GAS7: variants seen among roughly 807,000 people sequenced by gnomAD.
GAS7 encodes the protein growth arrest specific 7.
Under a neutral mutation model 71.1 loss-of-function variants are expected in GAS7, and 28 were observed. That is an observed-to-expected ratio of 0.39 (90% CI 0.29 to 0.54). GAS7 has a LOEUF of 0.54. Among genes scored for constraint, GAS7 ranks in the 20% least tolerant of loss-of-function variants. The pLI, the probability that GAS7 is intolerant of heterozygous loss-of-function variation, is 0.62. For missense variants in GAS7, 436 were observed against 627.8 expected, an observed-to-expected ratio of 0.69 and a Z score of 3.27; for synonymous variants, 258 against 245.8, an observed-to-expected ratio of 1.05 and a Z score of -0.46.
intron 1 of GAS7, among the ~76,000 whole-genome samples, chr17:10,054,134 A>T (rs1347436288): frequency 6.6e-6 from 1 of 151,706 alleles, no homozygotes; most frequent in Non-Finnish European, 1.5e-5. Flanking sequence ...ACATAAATTC[A>T]CTTTCAGAAA....
chr17:10,164,903 C>T (rs1421562842), intron 1 of GAS7, among the ~76,000 whole-genome samples: 2 of 149,998 alleles, frequency 1.3e-5, no homozygotes, highest in African/African-American at 4.9e-5. Flanking sequence ...AATCCCAGCA[C>T]TGTGGGAGGC....
intron 1 of GAS7, among the ~76,000 whole-genome samples, chr17:10,148,664 C>T (rs1333996004): frequency 6.6e-6 from 1 of 150,528 alleles, no homozygotes; most frequent in African/African-American, 2.4e-5. Flanking sequence ...GTAATCCCAG[C>T]ACTCTGGGAG....
At chr17:10,150,607 T>TTTTTTTA (rs1555537609) in intron 1 of GAS7, among the ~76,000 whole-genome samples, 3 of 150,220 alleles carry the variant, frequency 2.0e-5, no homozygotes, top group Admixed American at 6.6e-5. Flanking sequence ...TTTTTTTTTT[T>TTTTTTTA]AGACAGGGTC....
At chr17:9,966,077 C>A (rs2069701516) in intron 4 of GAS7, among the ~76,000 whole-genome samples, 1 of 148,670 alleles carries the variant, frequency 6.7e-6, no homozygotes, top group East Asian at 2.0e-4. Context: ...CGGCTCACTG[C>A]AAGCTCCGCC....
chr17:10,115,326 CGGGGG>C (rs1187825841), intron 1 of GAS7, among the ~76,000 whole-genome samples: 1 of 151,988 alleles, frequency 6.6e-6, no homozygotes. Context: ...GGTGCACAGG[CGGGGG>C]GAACGCTGCA....
At chr17:9,943,822 G>A (rs574275276) in intron 6 of GAS7, among the ~76,000 whole-genome samples, 2 of 152,142 alleles carry the variant, frequency 1.3e-5, no homozygotes, top group African/African-American at 4.8e-5. Context: ...ATACTAGCTG[G>A]GTGACCTTGG....
intron 1 of GAS7, among the ~76,000 whole-genome samples, chr17:10,094,944 T>C (rs2073625300): frequency 6.6e-6 from 1 of 152,238 alleles, no homozygotes; most frequent in Admixed American, 6.5e-5. Flanking sequence ...TTTCCATTTC[T>C]GTCATCCGCA....
At chr17:10,085,617 G>A (rs948101149) in intron 1 of GAS7, among the ~76,000 whole-genome samples, 7 of 150,930 alleles carry the variant, frequency 4.6e-5, no homozygotes, top group Admixed American at 2.0e-4. Flanking sequence ...GCATGAACCC[G>A]GGAGGCAGAG....
At chr17:10,089,457 A>G (rs2073557328) in intron 1 of GAS7, among the ~76,000 whole-genome samples, 1 of 152,114 alleles carries the variant, frequency 6.6e-6, no homozygotes, top group African/African-American at 2.4e-5. Context: ...GGCAAGCACA[A>G]CCATTCCTGT....
chr17:10,043,126 T>G (rs1361939202), intron 1 of GAS7, among the ~76,000 whole-genome samples: 1 of 152,110 alleles, frequency 6.6e-6, no homozygotes, highest in East Asian at 1.9e-4. Context: ...GGGCATGCTC[T>G]TGCTTAAGCA....
rs565589812 is a variant in GAS7 at position 10,112,630 on chromosome 17, G to T, written c.183+85578C>A. Reference sequence around the variant, plus strand: ...CATGCCTGTAATCCCAGCTACTCAGGAGGCTGAATTCAGCAGGAGAATTGC... The same window carrying T: ...CATGCCTGTAATCCCAGCTACTCAGTAGGCTGAATTCAGCAGGAGAATTGC... On this transcript the variant is annotated intron_variant, in intron 1 of 13. Coordinates refer to ENST00000432992, the MANE Select transcript of GAS7 (RefSeq NM_201433.2). Among the ~76,000 whole-genome samples, 9 of 152,146 alleles carry T rather than the reference G, an allele frequency of 5.9e-5. 1 individual carries two copies. The highest frequency in any genetic ancestry group is 2.2e-4 in the African/African-American group (9 of 41,516).
intron 2 of GAS7, among the ~76,000 whole-genome samples, chr17:9,990,740 T>G (rs1243446454): frequency 6.6e-6 from 1 of 151,864 alleles, no homozygotes; most frequent in Non-Finnish European, 1.5e-5. Flanking sequence ...AGTTCAGAGG[T>G]AATGGGGGCC....
At position 10,153,546 on chromosome 17, in the gene GAS7, G is replaced by A. The variant is rs145345111; in HGVS notation, c.183+44662C>T. Among the ~76,000 whole-genome samples the A allele has an allele frequency of 5.0e-3, 749 of 150,304 alleles. 3 individuals are homozygous for A. The highest frequency in any genetic ancestry group is 7.8e-3 in the Non-Finnish European group (527 of 67,664). ...AAAAAAAAAAAAAAAAGAAATCAAT[G>A]AGAAACCTGAAGCCTGACTGGCTGG... On this transcript the variant is annotated intron_variant, in intron 1 of 13. Coordinates refer to ENST00000432992, the MANE Select transcript of GAS7 (RefSeq NM_201433.2).
At position 10,034,471 on chromosome 17, in the gene GAS7, G is replaced by C. The variant is rs1427544535; in HGVS notation, c.184-14574C>G. Among the ~76,000 whole-genome samples the C allele has an allele frequency of 5.3e-5, 8 of 151,922 alleles. No homozygotes were observed. The highest frequency in any genetic ancestry group is 1.2e-4 in the Non-Finnish European group (8 of 68,000). The stretch of plus-strand genomic sequence containing the variant: ...TTACAGGCACCTATCACCACGCCTG[G>C]CTAATTTTTGTATTTTTAGTAGACA... On this transcript the variant is annotated intron_variant, in intron 1 of 13. Transcript: ENST00000432992. The surrounding 1 kb of genome is among the most constrained non-coding windows in gnomAD (Gnocchi z 4.4).
chr17:10,022,036 T>C (rs1187180020), intron 1 of GAS7, among the ~76,000 whole-genome samples: 1 of 152,072 alleles, frequency 6.6e-6, no homozygotes. Flanking sequence ...GGTGGAAGAA[T>C]GGCTTGAGCC....
At chr17:10,099,578 G>A (rs191115912) in intron 1 of GAS7, among the ~76,000 whole-genome samples, 3 of 152,044 alleles carry the variant, frequency 2.0e-5, no homozygotes, top group Non-Finnish European at 4.4e-5. Context: ...TTTTTTGGAC[G>A]GCGGGGGAGT....
At chr17:9,987,110 AT>A (rs1050669911) in intron 2 of GAS7, among the ~76,000 whole-genome samples, 4 of 152,184 alleles carry the variant, frequency 2.6e-5, no homozygotes, top group Admixed American at 2.0e-4. Context: ...GCCTCAAGAG[AT>A]GCTGGATTGA....
At chr17:10,120,405 G>A (rs12449525) in intron 1 of GAS7, among the ~76,000 whole-genome samples, 51,384 of 152,072 alleles carry the variant, frequency 0.34, 8,967 homozygotes, top group African/African-American at 0.38. Context: ...ATGGTTCCAC[G>A]AGACCAGGAC....
At chr17:10,036,691 C>G in intron 1 of GAS7, 1 of 1,296,742 alleles carries the variant, frequency 7.7e-7, no homozygotes, top group South Asian at 2.4e-5. Flanking sequence ...CAAATCCGCT[C>G]CAGTGCTTGC....
Sources: allele counts gnomAD v4.1 joint callset (sites outside exome capture counted in the v4.1 genomes callset), GRCh38; gene constraint gnomAD v4.1.1; non-coding constraint Gnocchi (gnomAD v3.1); transcripts MANE v1.5; gene names NCBI Gene and HGNC (gene_info 2026-07-23, HGNC 2026-07-21).